Variants in STK33 observed in about 807,000 individuals in gnomAD.
STK33 encodes serine/threonine kinase 33, also known as serine/threonine-protein kinase 33.
Under a neutral mutation model 58.0 loss-of-function variants are expected in STK33, and 52 were observed. That is an observed-to-expected ratio of 0.90 (90% CI 0.72 to 1.13). The LOEUF is 1.13. Ranked by LOEUF, STK33 falls within the 50% of genes most tolerant of loss-of-function variation. The pLI is 0.00. For missense variants in STK33, 630 were observed against 604.2 expected (o/e 1.04, Z -0.45); for synonymous variants, 215 against 200.1 (o/e 1.07, Z -0.63).
intron 1 of STK33, among the ~76,000 whole-genome samples, chr11:8,521,730 G>GAC (rs1196519367): frequency 2.6e-5 from 4 of 151,994 alleles, no homozygotes; most frequent in Admixed American, 2.6e-4. Context: ...CTACCCATCT[G>GAC]AAAGGGCTAA....
intron 1 of STK33, among the ~76,000 whole-genome samples, chr11:8,586,583 G>C (rs1008468099): frequency 2.0e-5 from 3 of 152,108 alleles, no homozygotes; most frequent in Admixed American, 6.6e-5. Flanking sequence ...CAGCACTTTG[G>C]GAGGCCAAGA....
At chr11:8,546,817 CT>C (rs1955956818) in intron 1 of STK33, among the ~76,000 whole-genome samples, 1 of 152,028 alleles carries the variant, frequency 6.6e-6, no homozygotes, top group African/African-American at 2.4e-5. Flanking sequence ...ACCACATTTT[CT>C]TTATCCATTC....
the STK33 span, among the ~76,000 whole-genome samples, chr11:8,356,265 G>A: frequency 3.3e-5 from 5 of 152,154 alleles, no homozygotes; most frequent in Non-Finnish European, 5.9e-5. Flanking sequence ...GAGCATCCAC[G>A]TCCACCTTTG....
intron 1 of STK33, among the ~76,000 whole-genome samples, chr11:8,548,161 TAA>T (rs1219464562): frequency 7.0e-6 from 1 of 142,750 alleles, no homozygotes; most frequent in African/African-American, 2.6e-5. Flanking sequence ...TAAAGTATAA[TAA>T]AAAAAAAAAA....
chr11:8,379,000 A>G, the STK33 span, among the ~76,000 whole-genome samples: 1 of 152,288 alleles, frequency 6.6e-6, no homozygotes, highest in East Asian at 1.9e-4. Context: ...AATACTTAAA[A>G]CCAACTGGTC....
At chr11:8,370,529 C>T in the STK33 span, among the ~76,000 whole-genome samples, 15 of 152,162 alleles carry the variant, frequency 9.9e-5, no homozygotes, top group African/African-American at 2.9e-4. Flanking sequence ...CTCCCTGGTG[C>T]TTTCTCCACT....
At chr11:8,346,727 C>T in the STK33 span, among the ~76,000 whole-genome samples, 1 of 152,232 alleles carries the variant, frequency 6.6e-6, no homozygotes, top group South Asian at 2.1e-4. Flanking sequence ...CCCACCCCGA[C>T]CCCTACTCTC....
intron 6 of STK33, among the ~76,000 whole-genome samples, chr11:8,470,573 T>C (rs777994398): frequency 2.0e-5 from 3 of 152,248 alleles, no homozygotes; most frequent in Non-Finnish European, 2.9e-5. Context: ...GAGGCCTAGC[T>C]TTCAGCCTAT....
rs539980870 is a variant in STK33, at chr11:8,523,308, A to C, written c.-465-42694T>G. On this transcript the variant is annotated intron_variant, in intron 1 of 15. Transcript: ENST00000687296. ...CAGCCGCCCAGTCTGGGAAGTGAGG[A>C]GTGCCTCTTCCCAGCCGCCATCCCA... is the stretch of plus-strand genomic sequence containing the variant. Among the ~76,000 whole-genome samples, 208 of 145,534 alleles carry C rather than the reference A, an allele frequency of 1.4e-3. No individual in the cohort carries two copies. The Middle Eastern group carries it at 0.023, about 16-fold the overall frequency.
At chr11:8,447,590 T>C (rs547753445) in intron 11 of STK33, among the ~76,000 whole-genome samples, 45 of 152,308 alleles carry the variant, frequency 3.0e-4, no homozygotes, top group African/African-American at 9.6e-4. Flanking sequence ...TCAACAATGC[T>C]TCATGCTAAA....
At chr11:8,394,512 T>G (rs1287560162) in intron 15 of STK33, among the ~76,000 whole-genome samples, 1 of 152,242 alleles carries the variant, frequency 6.6e-6, no homozygotes, top group South Asian at 2.1e-4. Flanking sequence ...TTTCCTTTAA[T>G]GTGCTTATAT....
chr11:8,381,262 TA>T, the STK33 span, among the ~76,000 whole-genome samples: 1 of 151,990 alleles, frequency 6.6e-6, no homozygotes, highest in African/African-American at 2.4e-5. Context: ...GCTATTAAAA[TA>T]AAAAAAATTA....
the STK33 span, among the ~76,000 whole-genome samples, chr11:8,358,162 C>T: frequency 6.6e-6 from 1 of 152,312 alleles, no homozygotes; most frequent in East Asian, 1.9e-4. Flanking sequence ...TACAAATCAC[C>T]GGCTGCCCAC....
At chr11:8,401,276 G>C (rs1170974349) in intron 15 of STK33, among the ~76,000 whole-genome samples, 1 of 152,134 alleles carries the variant, frequency 6.6e-6, no homozygotes, top group African/African-American at 2.4e-5. Context: ...CAGAGATATA[G>C]ACCAATGGAA....
At position 8,413,496 on chromosome 11, in the gene STK33, T is replaced by C. The variant is rs1280042993; in HGVS notation, c.1343A>G (p.Gln448Arg). Reference sequence around the variant, plus strand: ...AAATGCAGCAATGATTCTTCCTACCTGTTTTTCCTCCTCTTCATCTGAAGT... The same window carrying C: ...AAATGCAGCAATGATTCTTCCTACCCGTTTTTCCTCCTCTTCATCTGAAGT... Reference protein sequence around the residue: ...NYTSDEEEEKQSTAYEKQFPA... With the variant: ...NYTSDEEEEKRSTAYEKQFPA... Residue 448 changes from glutamine (Q) to arginine (R), a missense_variant and splice_region_variant, in exon 15 of 16, where the codon CAG (glutamine) becomes CGG (arginine). By Grantham distance (43) the Gln-to-Arg change is conservative. Coordinates refer to ENST00000687296, the MANE Select transcript of STK33 (RefSeq NM_001352389.2). The C allele has an allele frequency of 6.2e-7, 1 of 1,613,898 alleles. No homozygotes were observed. The highest frequency in any genetic ancestry group is 2.2e-5 in the East Asian group (1 of 44,872).
chr11:8,497,964 C>T (rs943285485), intron 1 of STK33, among the ~76,000 whole-genome samples: 5 of 152,018 alleles, frequency 3.3e-5, no homozygotes, highest in Admixed American at 2.6e-4. Flanking sequence ...AAAGTCTCAA[C>T]AAAATACTAG....
the STK33 span, among the ~76,000 whole-genome samples, chr11:8,377,878 C>T: frequency 6.6e-6 from 1 of 152,018 alleles, no homozygotes; most frequent in Non-Finnish European, 1.5e-5. Flanking sequence ...AATAAAATAC[C>T]TAGGAATATA....
intron 7 of STK33, 36 bp from the exon 8 acceptor site, chr11:8,461,945 A>C (rs772864150): frequency 7.7e-5 from 115 of 1,487,470 alleles, no homozygotes; most frequent in Non-Finnish European, 9.4e-5. Context: ...TCACATAATG[A>C]AAATCACTCC....
At chr11:8,589,987 T>C (rs1257890028) in intron 1 of STK33, among the ~76,000 whole-genome samples, 1 of 152,196 alleles carries the variant, frequency 6.6e-6, no homozygotes, top group African/African-American at 2.4e-5. Context: ...TTAGATTTGC[T>C]AGCAGCAAAC....
Sources: allele counts gnomAD v4.1 joint callset (sites outside exome capture counted in the v4.1 genomes callset), GRCh38; gene constraint gnomAD v4.1.1; transcripts MANE v1.5; gene names NCBI Gene and HGNC (gene_info 2026-07-23, HGNC 2026-07-21).